Variants in PRKN observed in about 807,000 individuals in gnomAD.
PRKN encodes the protein parkin RBR E3 ubiquitin protein ligase.
In PRKN, 56 loss-of-function variants were observed where a neutral mutation model predicts 59.5. That is an observed-to-expected ratio of 0.94 (90% CI 0.76 to 1.18). PRKN has a LOEUF of 1.18. Among genes scored for constraint, PRKN ranks in the 50% most tolerant of loss-of-function variants. The probability of loss-of-function intolerance (pLI) is 0.00; values close to 1 mark genes in which losing one functional copy is unlikely to be tolerated. For synonymous variants in PRKN, 250 were observed against 222.1 expected, an observed-to-expected ratio of 1.13 and a Z score of -1.12; for missense variants, 657 against 596.4, an observed-to-expected ratio of 1.10 and a Z score of -1.06.
chr6:161,660,362 G>C (rs2128165227), intron 7 of PRKN, among the ~76,000 whole-genome samples: 1 of 152,308 alleles, frequency 6.6e-6, no homozygotes, highest in Middle Eastern at 3.4e-3. Context: ...AACTCAGTTA[G>C]TACTAATAAG....
intron 5 of PRKN, among the ~76,000 whole-genome samples, chr6:161,974,689 A>G (rs1780957364): frequency 6.6e-6 from 1 of 152,092 alleles, no homozygotes; most frequent in African/African-American, 2.4e-5. Flanking sequence ...AAATACATAT[A>G]TTTTACTGGA....
chr6:161,912,002 A>G (rs1458266931), intron 6 of PRKN, among the ~76,000 whole-genome samples: 1 of 151,996 alleles, frequency 6.6e-6, no homozygotes, highest in African/African-American at 2.4e-5. Flanking sequence ...ACATGGTGAA[A>G]CACCGTCTCT....
At position 162,178,738 on chromosome 6, in the gene PRKN, C is replaced by A. The variant is rs141182800; in HGVS notation, c.534+22393G>T. Among the ~76,000 whole-genome samples the A allele has an allele frequency of 3.9e-5, 6 of 152,168 alleles. No homozygotes were observed. The East Asian group carries it at 1.2e-3, about 29-fold the overall frequency. On this transcript the variant is annotated intron_variant, in intron 4 of 11. Coordinates refer to ENST00000366898, the MANE Select transcript of PRKN (RefSeq NM_004562.3). ...TAACTCAGTCTTCTCAGTTTTGTGT[C>A]GTTTGTGGTTTTGTTTGTGTTTATT... is the stretch of plus-strand genomic sequence containing the variant.
At chr6:162,220,669 A>T (rs1010773370) in intron 3 of PRKN, among the ~76,000 whole-genome samples, 10 of 152,200 alleles carry the variant, frequency 6.6e-5, no homozygotes, top group African/African-American at 2.2e-4. Context: ...AAAAGTCAAG[A>T]TGCAAGTTCA....
At chr6:162,237,089 T>G (rs1302770185) in intron 3 of PRKN, among the ~76,000 whole-genome samples, 1 of 152,176 alleles carries the variant, frequency 6.6e-6, no homozygotes, top group Non-Finnish European at 1.5e-5. Context: ...ACGTCTACTC[T>G]TACTAAATTG....
chr6:161,680,726 C>CATACATATATATATAT lies in PRKN; in HGVS notation c.871+105045_871+105046insATATATATATATGTAT, dbSNP rs1785285558. 7.8e-5 allele frequency among the ~76,000 whole-genome samples: 4 copies of CATACATATATATATAT among 51,026 alleles called. No individual in the cohort carries two copies. In the Admixed American group the frequency reaches 1.0e-3, roughly 13 times the overall value. 33.5% of individuals were successfully genotyped at this position (51,026 alleles called of 152,430 possible). On this transcript the variant is annotated intron_variant, in intron 7 of 11. Transcript: ENST00000366898. ...TGGGCTCTGAAAACATCCTGAAATA[C>CATACATATATATATAT]ATATATATATATATATATATATATA... is the stretch of plus-strand genomic sequence containing the variant.
chr6:161,524,594 A>C (rs1235487550), intron 9 of PRKN, among the ~76,000 whole-genome samples: 1 of 152,186 alleles, frequency 6.6e-6, no homozygotes, highest in Non-Finnish European at 1.5e-5. Flanking sequence ...ACAATAGTTA[A>C]AACCAAAAAT....
rs1214212474 is a variant in PRKN at position 162,054,100 on chromosome 6, C to A, written c.609G>T (p.Gly203=). Residue 203 remains glycine, a synonymous_variant, in exon 5 of 12, where the codon GGG becomes GGT. Coordinates refer to ENST00000366898, the MANE Select transcript of PRKN (RefSeq NM_004562.3). ...SGECQSPHCP[G]TSAEFFFKCG... The stretch of plus-strand genomic sequence containing the variant: ...GTGACCAGGTACTTACTGCACTAGT[C>A]CCAGGGCAGTGTGGGGATTGGCATT... 6.3e-7 allele frequency: 1 copy of A among 1,599,882 alleles called. No individual in the cohort carries two copies. The highest frequency in any genetic ancestry group is 1.1e-5 in the South Asian group (1 of 90,842).
At chr6:162,291,440 C>A (rs542715447) in intron 2 of PRKN, among the ~76,000 whole-genome samples, 1 of 152,162 alleles carries the variant, frequency 6.6e-6, no homozygotes, top group East Asian at 1.9e-4. Flanking sequence ...AGGAATCATG[C>A]CACTTTCCAG....
intron 2 of PRKN, among the ~76,000 whole-genome samples, chr6:162,350,415 C>A (rs942962261): frequency 3.9e-5 from 6 of 152,050 alleles, no homozygotes; most frequent in Admixed American, 3.9e-4. Context: ...AGTTAGAGAA[C>A]ACTACTAAAT....
Position 162,275,762 on chromosome 6 carries a change from G to A in PRKN, c.172-12997C>T, listed in dbSNP as rs1780609020. On this transcript the variant is annotated intron_variant, in intron 2 of 11. Transcript: ENST00000366898. ...ACCACACAATCGCACTCCTGCCTGGGTAACAAGAGTGAAAATCCGTCTCAA... is the reference window on the plus strand; with the variant it reads ...ACCACACAATCGCACTCCTGCCTGGATAACAAGAGTGAAAATCCGTCTCAA... 1.3e-5 allele frequency among the ~76,000 whole-genome samples: 2 copies of A among 149,648 alleles called. 1 individual carries two copies. The highest frequency in any genetic ancestry group is 4.4e-4 in the South Asian group (2 of 4,550).
At chr6:162,424,570 C>T (rs1583551540) in intron 2 of PRKN, among the ~76,000 whole-genome samples, 2 of 151,754 alleles carry the variant, frequency 1.3e-5, no homozygotes, top group East Asian at 3.9e-4. Flanking sequence ...CCCGTCTCTA[C>T]TAAAAATACA....
At chr6:162,172,996 G>A (rs1030657760) in intron 4 of PRKN, among the ~76,000 whole-genome samples, 1 of 152,170 alleles carries the variant, frequency 6.6e-6, no homozygotes, top group African/African-American at 2.4e-5. Flanking sequence ...AAGGGGTCCT[G>A]GCCCCTGAAG....
chr6:161,521,412 T>C (rs1355039187), intron 9 of PRKN, among the ~76,000 whole-genome samples: 19 of 152,192 alleles, frequency 1.2e-4, no homozygotes, highest in Non-Finnish European at 1.5e-5. Context: ...TCCATGGAAA[T>C]TATGCAGAAA....
chr6:162,110,217 T>G (rs1008907766), intron 4 of PRKN, among the ~76,000 whole-genome samples: 1 of 152,190 alleles, frequency 6.6e-6, no homozygotes, highest in Non-Finnish European at 1.5e-5. Context: ...CAATAGATAA[T>G]TCTATGGTAT....
At chr6:162,053,951 T>A in intron 5 of PRKN, 140 bp downstream of exon 5, 1 of 740,774 alleles carries the variant, frequency 1.3e-6, no homozygotes, top group South Asian at 1.5e-5. Context: ...AATTAACCTA[T>A]TTAAATATCA....
chr6:161,687,388 C>CAAAAAA (rs1192587302), intron 7 of PRKN, among the ~76,000 whole-genome samples: 2 of 51,558 alleles, frequency 3.9e-5, no homozygotes, highest in African/African-American at 8.9e-5. Flanking sequence ...GACTCCATCT[C>CAAAAAA]AAAAAAAAAA....
At chr6:162,310,040 TC>T (rs1782421298) in intron 2 of PRKN, among the ~76,000 whole-genome samples, 1 of 152,126 alleles carries the variant, frequency 6.6e-6, no homozygotes, top group Non-Finnish European at 1.5e-5. Context: ...AAGGACATGA[TC>T]TCATTCTTTT....
At chr6:161,840,297 C>T (rs59725587) in intron 6 of PRKN, among the ~76,000 whole-genome samples, 2,458 of 152,232 alleles carry the variant, frequency 0.016, 69 homozygotes, top group East Asian at 0.075. Context: ...TGGGGCCCTG[C>T]GTGTTTGTGC....
Sources: allele counts gnomAD v4.1 joint callset (sites outside exome capture counted in the v4.1 genomes callset), GRCh38; gene constraint gnomAD v4.1.1; transcripts MANE v1.5; gene names NCBI Gene and HGNC (gene_info 2026-07-23, HGNC 2026-07-21).